Variants in GALNT17 observed in about 807,000 individuals in gnomAD.
GALNT17 encodes UDP-GalNAc:polypeptide N-acetylgalactosaminyltransferase-like 3.
GALNT17 carries 29 observed loss-of-function variants against 63.7 expected under a neutral mutation model. The ratio of observed to expected loss-of-function variants is 0.46; its 90% CI spans 0.34 to 0.62. The LOEUF is 0.62. Among genes scored for constraint, GALNT17 ranks in the 20% least tolerant of loss-of-function variants. The pLI is 0.01. For synonymous variants in GALNT17, 305 were observed against 318.3 expected, an observed-to-expected ratio of 0.96 and a Z score of 0.45; for missense variants, 603 against 799.6, an observed-to-expected ratio of 0.75 and a Z score of 2.97.
Position 71,203,904 on chromosome 7 carries a change from A to G in GALNT17, c.238+70864A>G, listed in dbSNP as rs182875607. 2.2e-4 allele frequency among the ~76,000 whole-genome samples: 34 copies of G among 152,236 alleles called. 2 individuals carry two copies. The East Asian group carries it at 2.3e-3, about 10-fold the overall frequency. ...CTCTGTTGATTGTTTACTTTGCTGT[A>G]CAGAAGCCTTTTAGTTTGATGCAGT... is the stretch of plus-strand genomic sequence containing the variant. On this transcript the variant is annotated intron_variant, in intron 1 of 10. Transcript: ENST00000333538.
intron 5 of GALNT17, among the ~76,000 whole-genome samples, chr7:71,495,600 T>C (rs1184779625): frequency 2.0e-5 from 3 of 152,044 alleles, no homozygotes; most frequent in African/African-American, 4.8e-5. Context: ...AGGGCCGAGG[T>C]CTGATCCCCA....
At chr7:71,362,476 T>C (rs1447446047) in intron 2 of GALNT17, among the ~76,000 whole-genome samples, 1 of 152,224 alleles carries the variant, frequency 6.6e-6, no homozygotes, top group Non-Finnish European at 1.5e-5. Flanking sequence ...TAAGTAATTC[T>C]GAAGATTAAA....
intron 9 of GALNT17, among the ~76,000 whole-genome samples, chr7:71,705,356 A>G (rs1315429358): frequency 2.0e-5 from 3 of 152,192 alleles, no homozygotes; most frequent in Non-Finnish European, 4.4e-5. Flanking sequence ...AAAAAAGCAG[A>G]CAATAACATG....
At chr7:71,361,950 T>C (rs1383936281) in intron 2 of GALNT17, among the ~76,000 whole-genome samples, 1 of 151,872 alleles carries the variant, frequency 6.6e-6, no homozygotes, top group Non-Finnish European at 1.5e-5. Flanking sequence ...CTGTATGAGA[T>C]TTTTACTTTT....
rs181590986 is a variant in GALNT17, at chr7:71,159,796, T to C, written c.238+26756T>C. Among the ~76,000 whole-genome samples the C allele has an allele frequency of 2.5e-3, 385 of 151,140 alleles. 10 individuals carry two copies. Among genetic ancestry groups the C allele is most frequent in the African/African-American group, 9.2e-3 (373 of 40,716 alleles). ...CTGTTTTATTATTATTTTGGGTTTTTTTTGAGATGGAGTCTCACTCTGTCA... is the reference window on the plus strand; with the variant it reads ...CTGTTTTATTATTATTTTGGGTTTTCTTTGAGATGGAGTCTCACTCTGTCA... On this transcript the variant is annotated intron_variant, in intron 1 of 10. Coordinates refer to ENST00000333538, the MANE Select transcript of GALNT17 (RefSeq NM_022479.3).
At chr7:71,358,737 A>C (rs1413193432) in intron 2 of GALNT17, among the ~76,000 whole-genome samples, 3 of 151,858 alleles carry the variant, frequency 2.0e-5, no homozygotes, top group Non-Finnish European at 4.4e-5. Context: ...GATTATCATA[A>C]GTTTGCTTTT....
At chr7:71,415,275 G>A (rs376188383) in intron 3 of GALNT17, among the ~76,000 whole-genome samples, 2 of 152,110 alleles carry the variant, frequency 1.3e-5, no homozygotes, top group African/African-American at 2.4e-5. Context: ...CTAAGATTAT[G>A]TCTTCATTTG....
intron 6 of GALNT17, among the ~76,000 whole-genome samples, chr7:71,593,988 C>T (rs556560432): frequency 3.2e-4 from 49 of 151,182 alleles, no homozygotes; most frequent in Non-Finnish European, 6.0e-4. Flanking sequence ...TGTAAGAGGC[C>T]AAAGGAATGT....
At chr7:71,295,892 G>A (rs1384184369) in intron 1 of GALNT17, among the ~76,000 whole-genome samples, 1 of 151,568 alleles carries the variant, frequency 6.6e-6, no homozygotes, top group African/African-American at 2.4e-5. Flanking sequence ...ACTGTGCCAA[G>A]CAGGAGTCTG....
chr7:71,579,043 AT>A (rs1393971811), intron 6 of GALNT17, among the ~76,000 whole-genome samples: 1 of 152,150 alleles, frequency 6.6e-6, no homozygotes, highest in African/African-American at 2.4e-5. Context: ...GTCCGTTTTC[AT>A]TTTCATACTT....
At chr7:71,544,399 C>T (rs1010647884) in intron 5 of GALNT17, among the ~76,000 whole-genome samples, 3 of 151,668 alleles carry the variant, frequency 2.0e-5, no homozygotes, top group African/African-American at 7.3e-5. Flanking sequence ...GCCTCAGCCT[C>T]CCAAAGTGCT....
In GALNT17 at chr7:71,304,893, G is replaced by T. The variant is rs761531678; in HGVS notation, c.239-30657G>T. On this transcript the variant is annotated intron_variant, in intron 1 of 10. Coordinates refer to ENST00000333538, the MANE Select transcript of GALNT17 (RefSeq NM_022479.3). Reference sequence around the variant, plus strand: ...CAAGTAGCTGGGATTACAGGTGCCCGCCACCATGCCTGACTAATTTTTTGT... The same window carrying T: ...CAAGTAGCTGGGATTACAGGTGCCCTCCACCATGCCTGACTAATTTTTTGT... 5.3e-5 allele frequency among the ~76,000 whole-genome samples: 8 copies of T among 152,098 alleles called. No homozygotes were observed. In the East Asian group the frequency reaches 1.6e-3, roughly 30 times the overall value.
intron 5 of GALNT17, among the ~76,000 whole-genome samples, chr7:71,485,558 T>C (rs1787895978): frequency 6.6e-6 from 1 of 152,214 alleles, no homozygotes; most frequent in Admixed American, 6.5e-5. Flanking sequence ...GTGCCATCAC[T>C]GAGAGATCAC....
intron 1 of GALNT17, among the ~76,000 whole-genome samples, chr7:71,300,110 C>A (rs1317429): frequency 6.6e-6 from 1 of 151,938 alleles, no homozygotes; most frequent in African/African-American, 2.4e-5. Context: ...ATAATCCCGG[C>A]CTCTCAAAGC....
chr7:71,134,062 C>T (rs1002616186), intron 1 of GALNT17, among the ~76,000 whole-genome samples: 2 of 152,194 alleles, frequency 1.3e-5, no homozygotes, highest in Non-Finnish European at 2.9e-5. Flanking sequence ...TGTATGTTCA[C>T]ATCTGTCCAG....
At chr7:71,515,007 G>A (rs1316092498) in intron 5 of GALNT17, among the ~76,000 whole-genome samples, 1 of 152,114 alleles carries the variant, frequency 6.6e-6, no homozygotes, top group African/African-American at 2.4e-5. Context: ...TTTTCGCTTG[G>A]CTTTCATTCT....
At chr7:71,150,499 T>A (rs1448660059) in intron 1 of GALNT17, among the ~76,000 whole-genome samples, 1 of 151,788 alleles carries the variant, frequency 6.6e-6, no homozygotes, top group Admixed American at 6.6e-5. Flanking sequence ...CTCTCTCTTT[T>A]TTTTCGTTTT....
intron 5 of GALNT17, among the ~76,000 whole-genome samples, chr7:71,422,815 A>G (rs1786690613): frequency 6.6e-6 from 1 of 152,236 alleles, no homozygotes; most frequent in African/African-American, 2.4e-5. Flanking sequence ...GTGTGTCAGA[A>G]AAACCAGATC....
At chr7:71,302,091 G>T (rs968048904) in intron 1 of GALNT17, among the ~76,000 whole-genome samples, 5 of 152,116 alleles carry the variant, frequency 3.3e-5, no homozygotes, top group African/African-American at 1.2e-4. Context: ...CCATACTAAT[G>T]CAGGAACAGA....
Sources: gnomAD v4.1 joint callset for allele counts (sites outside exome capture counted in the v4.1 genomes callset) on GRCh38, gnomAD v4.1.1 for gene constraint, MANE v1.5 for transcripts, NCBI Gene and HGNC (gene_info 2026-07-23, HGNC 2026-07-21) for gene names.